The following TPM3 variants were observed in gnomAD, a reference collection of about 807,000 sequenced individuals.
TPM3 encodes tropomyosin alpha-3 chain.
Under a neutral mutation model 43.1 loss-of-function variants are expected in TPM3, and 16 were observed. The observed-to-expected ratio is 0.37, with a 90% CI of 0.25 to 0.56. The LOEUF (loss-of-function observed/expected upper bound fraction) is 0.56. Ranked by LOEUF, TPM3 falls within the 20% of genes least tolerant of loss-of-function variation. The probability of loss-of-function intolerance (pLI) is 0.77; values close to 1 mark genes in which losing one functional copy is unlikely to be tolerated. For synonymous variants in TPM3, 101 were observed against 116.9 expected (o/e 0.86, Z 0.88); for missense variants, 176 against 337.2 (o/e 0.52, Z 3.74).
intron 9 of TPM3, among the ~76,000 whole-genome samples, chr1:154,168,238 T>C (rs1331590420): frequency 6.6e-6 from 1 of 152,154 alleles, no homozygotes; most frequent in Non-Finnish European, 1.5e-5. Context: ...TTAGGTGAAT[T>C]TGGTATTTCC....
intron 2 of TPM3, among the ~76,000 whole-genome samples, chr1:154,190,439 G>C (rs1663630658): frequency 6.6e-6 from 1 of 152,168 alleles, no homozygotes; most frequent in African/African-American, 2.4e-5. Flanking sequence ...AGGAAAGTAG[G>C]TGATGATGAT....
In TPM3 at chr1:154,185,354, C is replaced by CA. The variant is rs1663362069; in HGVS notation, c.243+5831dup. Among the ~76,000 whole-genome samples the CA allele has an allele frequency of 6.8e-5, 9 of 133,028 alleles. No homozygotes were observed. In the South Asian group the frequency reaches 2.2e-3, roughly 32 times the overall value. 87.3% of individuals were successfully genotyped at this position (133,028 alleles called of 152,430 possible). On this transcript the variant is annotated intron_variant, in intron 2 of 9. Transcript: ENST00000651641. ...TGCCACTCTACTCCAGCCCGGGTGA[C>CA]AGAGTGAGACTCTGTATCAAAAAAA...
intron 1 of TPM3, chr1:154,191,562 C>A (rs188122376): frequency 3.9e-5 from 52 of 1,343,358 alleles, no homozygotes; most frequent in Non-Finnish European, 1.1e-5. Flanking sequence ...TGATAAATAT[C>A]TAAAGTGTAG....
Position 154,165,217 on chromosome 1 carries a change from A to T in TPM3, c.*2720T>A, listed in dbSNP as rs1371029333. On this transcript the variant is annotated 3_prime_UTR_variant, in exon 10 of 10. Coordinates refer to ENST00000651641, the MANE Select transcript of TPM3 (RefSeq NM_152263.4). ...GCCAACATGCTGAAACCCCGTCCGTACTAAAAATACAAAAATCAGCTGGGC... is the reference window on the plus strand; with the variant it reads ...GCCAACATGCTGAAACCCCGTCCGTTCTAAAAATACAAAAATCAGCTGGGC... Among the ~76,000 whole-genome samples, 2 of 151,576 alleles carry T rather than the reference A, an allele frequency of 1.3e-5. No homozygotes were observed. The highest frequency in any genetic ancestry group is 2.9e-5 in the Non-Finnish European group (2 of 67,910).
chr1:154,171,072 CT>C, intron 6 of TPM3: 1 of 541,772 alleles, frequency 1.8e-6, no homozygotes, highest in South Asian at 2.1e-5. Flanking sequence ...GTGAAGTCAT[CT>C]GTCTTGATTG....
At chr1:154,172,860 G>A in intron 5 of TPM3, 48 bp downstream of exon 5, 3 of 1,608,312 alleles carry the variant, frequency 1.9e-6, no homozygotes, top group Non-Finnish European at 1.7e-6. Flanking sequence ...AAGCCAAAGG[G>A]GAAGGGATAA....
downstream of TPM3, chr1:154,158,694 T>C: frequency 2.2e-6 from 1 of 463,892 alleles, no homozygotes; most frequent in South Asian, 2.1e-5. Context: ...GAGCAGCAAA[T>C]AAGGGTGGAA....
chr1:154,162,179 A>ACAT lies in TPM3; in HGVS notation c.*5755_*5757dup, dbSNP rs1660440474. 6.6e-6 allele frequency among the ~76,000 whole-genome samples: 1 copy of ACAT among 151,946 alleles called. No individual in the cohort carries two copies. Among genetic ancestry groups the ACAT allele is most frequent in the African/African-American group, 2.4e-5 (1 of 41,340 alleles). ...AGGTCAGGAGTTTGAGATCAGCCTA[A>ACAT]CATGTTGAAACCTAGTCTCTACTAA... is the stretch of plus-strand genomic sequence containing the variant. On this transcript the variant is annotated 3_prime_UTR_variant, in exon 10 of 10. Coordinates refer to ENST00000651641, the MANE Select transcript of TPM3 (RefSeq NM_152263.4).
chr1:154,184,998 G>T (rs1422177217), intron 2 of TPM3, among the ~76,000 whole-genome samples: 1 of 151,630 alleles, frequency 6.6e-6, no homozygotes. Context: ...ATAGAATTGA[G>T]CCTCCATTCT....
intron 8 of TPM3, 96 bp downstream of exon 8, chr1:154,170,304 A>G: frequency 7.2e-7 from 1 of 1,385,034 alleles, no homozygotes; most frequent in Non-Finnish European, 1.0e-6. Flanking sequence ...CCAAGTCACT[A>G]CCAACTTCCT....
chr1:154,188,600 A>G (rs547886694), intron 2 of TPM3, among the ~76,000 whole-genome samples: 2 of 149,300 alleles, frequency 1.3e-5, no homozygotes, highest in South Asian at 2.1e-4. Flanking sequence ...GCGTGAACCC[A>G]AGAGGCGGAG....
chr1:154,181,581 A>G (rs567588722), intron 2 of TPM3, among the ~76,000 whole-genome samples: 1 of 152,320 alleles, frequency 6.6e-6, no homozygotes, highest in Admixed American at 6.5e-5. Flanking sequence ...TATGGCTTAC[A>G]CTAAAACTAA....
intron 2 of TPM3, among the ~76,000 whole-genome samples, chr1:154,189,184 CCAGGCG>C (rs1663560628): frequency 1.7e-5 from 2 of 118,116 alleles, no homozygotes; most frequent in Non-Finnish European, 3.3e-5. Flanking sequence ...AAAAAAAAGC[CCAGGCG>C]CAGTGGCTTA....
At chr1:154,168,530 G>A (rs571365031) in intron 9 of TPM3, among the ~76,000 whole-genome samples, 36 of 152,170 alleles carry the variant, frequency 2.4e-4, no homozygotes, top group African/African-American at 8.2e-4. Flanking sequence ...TGCCTCCAGA[G>A]CTTTTTTTTC....
At position 154,171,411 on chromosome 1, in the gene TPM3, A is replaced by G. The variant is rs750152844; in HGVS notation, c.642+2T>C. On this transcript the variant is annotated splice_donor_variant, in intron 6 of 9. Transcript: ENST00000651641. LOFTEE classifies it high-confidence loss of function. ...CTGTCACTTTCACAAACCAGCCCCT[A>G]CCTTCTCCGCCTGAGCCTCAAGAGA... The G allele has an allele frequency of 1.2e-6, 2 of 1,614,020 alleles. No individual in the cohort carries two copies. The highest frequency in any genetic ancestry group is 1.3e-5 in the African/African-American group (1 of 74,938).
At chr1:154,182,813 C>A (rs1167233382) in intron 2 of TPM3, among the ~76,000 whole-genome samples, 1 of 152,138 alleles carries the variant, frequency 6.6e-6, no homozygotes, top group Non-Finnish European at 1.5e-5. Context: ...CTGTTTCCCC[C>A]TCGTCCGCTT....
intron 2 of TPM3, chr1:154,183,041 G>T (rs1195556045): frequency 6.2e-7 from 1 of 1,607,988 alleles, no homozygotes; most frequent in African/African-American, 1.3e-5. Context: ...CGCTCAGCTC[G>T]CTCCTCTGCA....
At chr1:154,182,877 CCG>C in intron 2 of TPM3, 2 of 1,558,830 alleles carry the variant, frequency 1.3e-6, no homozygotes, top group South Asian at 2.2e-5. Flanking sequence ...AACTTCATCT[CCG>C]AGCCCGCCGG....
At chr1:154,184,443 T>G (rs993678838) in intron 2 of TPM3, among the ~76,000 whole-genome samples, 2 of 152,166 alleles carry the variant, frequency 1.3e-5, no homozygotes, top group African/African-American at 4.8e-5. Flanking sequence ...TCTGTAAGTC[T>G]AGGATTTTGG....
Sources: allele counts gnomAD v4.1 joint callset (sites outside exome capture counted in the v4.1 genomes callset), GRCh38; gene constraint gnomAD v4.1.1; transcripts MANE v1.5; gene names NCBI Gene and HGNC (gene_info 2026-07-23, HGNC 2026-07-21).